Variants in NALCN observed in about 807,000 individuals in gnomAD.
NALCN encodes sodium leak channel NALCN.
In NALCN, 111 loss-of-function variants were observed where a neutral mutation model predicts 225.3. The observed-to-expected ratio is 0.49, with a 90% confidence interval of 0.42 to 0.58. The LOEUF (loss-of-function observed/expected upper bound fraction) is 0.58, where lower values mean the gene tolerates loss of function less well. Among genes scored for constraint, NALCN ranks in the 20% least tolerant of loss-of-function variants. The probability of loss-of-function intolerance (pLI) is 0.00; values close to 1 mark genes in which losing one functional copy is unlikely to be tolerated. For synonymous variants in NALCN, 764 were observed against 769.0 expected (o/e 0.99, Z 0.11); for missense variants, 1,378 against 2,202.4 (o/e 0.63, Z 7.49).
intron 7 of NALCN, among the ~76,000 whole-genome samples, chr13:101,316,926 A>G (rs1179568067): frequency 6.6e-6 from 1 of 152,320 alleles, no homozygotes; most frequent in East Asian, 1.9e-4. Context: ...TATTTGATGT[A>G]GTTTTTAGAT....
chr13:101,065,110 C>G (rs2032266025), intron 40 of NALCN, among the ~76,000 whole-genome samples: 2 of 152,216 alleles, frequency 1.3e-5, no homozygotes, highest in South Asian at 4.1e-4. Flanking sequence ...ACTGTGCTCT[C>G]CCAGATCCCT....
chr13:101,199,739 G>A, intron 13 of NALCN, among the ~76,000 whole-genome samples: 1 of 151,622 alleles, frequency 6.6e-6, no homozygotes, highest in South Asian at 2.1e-4. Context: ...CATGGCACAT[G>A]TATACATATG....
At chr13:101,249,096 CT>C (rs1181889008) in intron 11 of NALCN, among the ~76,000 whole-genome samples, 3 of 151,700 alleles carry the variant, frequency 2.0e-5, no homozygotes. Flanking sequence ...TCATTTACTT[CT>C]ATAAAAAAGA....
intron 10 of NALCN, 37 bp from the exon 11 acceptor site, chr13:101,258,611 A>T (rs1338701994): frequency 6.2e-7 from 1 of 1,613,322 alleles, no homozygotes; most frequent in South Asian, 1.1e-5. Context: ...TAACAAAGAA[A>T]TAAACCTCAT....
intron 15 of NALCN, among the ~76,000 whole-genome samples, chr13:101,160,209 C>T (rs1176161653): frequency 6.6e-6 from 1 of 152,204 alleles, no homozygotes; most frequent in East Asian, 1.9e-4. Context: ...CCGCCTTGGC[C>T]TCCCAAAGGA....
intron 12 of NALCN, 140 bp from the exon 13 acceptor site, chr13:101,229,724 A>T: frequency 1.5e-6 from 1 of 652,406 alleles, no homozygotes; most frequent in Non-Finnish European, 2.3e-6. Context: ...AGTGACTAAA[A>T]TTAACAATAG....
intron 1 of NALCN, among the ~76,000 whole-genome samples, chr13:101,400,177 T>C (rs1015282844): frequency 6.6e-6 from 1 of 151,924 alleles, no homozygotes; most frequent in African/African-American, 2.4e-5. Flanking sequence ...AAAAAACTCA[T>C]CTTCTTACAC....
At chr13:101,093,629 T>A (rs892555204) in intron 28 of NALCN, among the ~76,000 whole-genome samples, 2 of 152,228 alleles carry the variant, frequency 1.3e-5, no homozygotes, top group Non-Finnish European at 2.9e-5. Flanking sequence ...ACTTTGATTT[T>A]AAAAATCCCA....
intron 15 of NALCN, among the ~76,000 whole-genome samples, chr13:101,149,154 G>A (rs1289588006): frequency 2.6e-5 from 4 of 152,202 alleles, no homozygotes; most frequent in South Asian, 2.1e-4. Context: ...TTAGCTGGGC[G>A]TGGTGGCAGG....
At chr13:101,142,938 T>C (rs2037160955) in intron 17 of NALCN, 142 bp downstream of exon 17, 1 of 1,212,752 alleles carries the variant, frequency 8.2e-7, no homozygotes, top group Non-Finnish European at 1.2e-6. Flanking sequence ...TTAGGTTTCA[T>C]GATATCTTTT....
intron 15 of NALCN, among the ~76,000 whole-genome samples, chr13:101,152,438 G>A (rs575052687): frequency 7.9e-5 from 12 of 152,210 alleles, no homozygotes; most frequent in Non-Finnish European, 1.0e-4. Context: ...TGATATCCCT[G>A]AAGTGTGCAT....
At chr13:101,415,803 C>A (rs984372432) in intron 1 of NALCN, among the ~76,000 whole-genome samples, 18 of 152,056 alleles carry the variant, frequency 1.2e-4, no homozygotes, top group African/African-American at 3.1e-4. Flanking sequence ...AGCCAGGCTG[C>A]CCACCCCCAC....
intron 7 of NALCN, among the ~76,000 whole-genome samples, chr13:101,315,255 A>C (rs2044512543): frequency 6.6e-6 from 1 of 152,202 alleles, no homozygotes; most frequent in Admixed American, 6.5e-5. Flanking sequence ...GAAAGTCTAG[A>C]TAATCTGAAC....
intron 17 of NALCN, among the ~76,000 whole-genome samples, chr13:101,140,929 C>T (rs1410995828): frequency 6.6e-6 from 1 of 152,044 alleles, no homozygotes; most frequent in African/African-American, 2.4e-5. Context: ...AGCAAGATCT[C>T]ATCTCTAAAA....
intron 1 of NALCN, among the ~76,000 whole-genome samples, chr13:101,413,351 A>C (rs1465489410): frequency 6.6e-6 from 1 of 152,140 alleles, no homozygotes; most frequent in Non-Finnish European, 1.5e-5. Flanking sequence ...TTATACTGAA[A>C]AACATAAAAT....
At chr13:101,169,111 G>T (rs1482170093) in intron 15 of NALCN, among the ~76,000 whole-genome samples, 2 of 152,122 alleles carry the variant, frequency 1.3e-5, no homozygotes, top group East Asian at 3.9e-4. Flanking sequence ...CTGTTTACTT[G>T]TCTTTTTCTC....
chr13:101,090,431 T>C (rs574296155), intron 28 of NALCN, among the ~76,000 whole-genome samples: 1 of 152,334 alleles, frequency 6.6e-6, no homozygotes, highest in East Asian at 1.9e-4. Context: ...CAATTGCCTG[T>C]GTTAGTATAG....
At chr13:101,095,364 G>A (rs551741346) in intron 28 of NALCN, among the ~76,000 whole-genome samples, 8 of 152,226 alleles carry the variant, frequency 5.3e-5, no homozygotes, top group African/African-American at 1.9e-4. Flanking sequence ...GTTTCATGAA[G>A]CTATATAGAA....
intron 17 of NALCN, among the ~76,000 whole-genome samples, chr13:101,136,590 T>G (rs1426255441): frequency 6.6e-6 from 1 of 152,178 alleles, no homozygotes; most frequent in Non-Finnish European, 1.5e-5. Context: ...TTGCTGAGAA[T>G]GATGGTTTCC....
Sources: gnomAD v4.1 joint callset for allele counts (sites outside exome capture counted in the v4.1 genomes callset) on GRCh38, gnomAD v4.1.1 for gene constraint, MANE v1.5 for transcripts, NCBI Gene and HGNC (gene_info 2026-07-23, HGNC 2026-07-21) for gene names.